The following CCDC32 variants were observed in gnomAD, a reference collection of about 807,000 sequenced individuals.
CCDC32 encodes coiled-coil domain containing 32, also known as coiled-coil domain-containing protein 32.
CCDC32 carries 9 observed loss-of-function variants against 20.1 expected under a neutral mutation model. The ratio of observed to expected loss-of-function variants is 0.45; its 90% CI spans 0.27 to 0.78. The LOEUF is 0.78. CCDC32 is among the 30% of genes least tolerant of loss of function. The pLI is 0.16. For missense variants in CCDC32, 204 were observed against 215.5 expected, an observed-to-expected ratio of 0.95 and a Z score of 0.33; for synonymous variants, 63 against 79.0, an observed-to-expected ratio of 0.80 and a Z score of 1.07.
At chr15:40,547,526 G>A (rs970110213) in intron 3 of CCDC32, among the ~76,000 whole-genome samples, 5 of 152,124 alleles carry the variant, frequency 3.3e-5, no homozygotes, top group South Asian at 2.1e-4. Flanking sequence ...GTGGACCTTC[G>A]CTTGAATCTT....
Position 40,553,825 on chromosome 15 carries a change from T to TC in CCDC32, c.*145_*146insG, listed in dbSNP as rs1890031231. The TC allele has an allele frequency of 7.2e-7, 1 of 1,389,318 alleles. No individual in the cohort carries two copies. The highest frequency in any genetic ancestry group is 1.5e-5 in the African/African-American group (1 of 68,644). The allele number at this position is 1,389,318 out of a possible 1,614,324, so 86.1% of individuals were successfully genotyped here. On this transcript the variant is annotated 3_prime_UTR_variant, in exon 4 of 4. Transcript: ENST00000416810. ...TTTCTTTGTGGAGTGGAAATTTGGG[T>TC]TTTTTCCTTCAGTGGATTTCTCCCT...
intron 2 of CCDC32, among the ~76,000 whole-genome samples, chr15:40,560,521 GAA>G (rs1327910418): frequency 6.6e-6 from 1 of 151,910 alleles, no homozygotes; most frequent in Admixed American, 6.6e-5. Flanking sequence ...AAATCAGAAA[GAA>G]AAAAACAATC....
At chr15:40,560,306 C>T (rs1388701639) in intron 2 of CCDC32, among the ~76,000 whole-genome samples, 1 of 152,140 alleles carries the variant, frequency 6.6e-6, no homozygotes, top group African/African-American at 2.4e-5. Context: ...CCGTGCCCGG[C>T]CTAGGCAAAA....
chr15:40,522,970 G>A, the CCDC32 span, among the ~76,000 whole-genome samples: 7 of 151,870 alleles, frequency 4.6e-5, no homozygotes, highest in South Asian at 2.1e-4. Context: ...GGGATTATAG[G>A]AGTATGCCAC....
chr15:40,539,274 C>G, exon 4 of CCDC32: 5 of 1,535,640 alleles, frequency 3.3e-6, no homozygotes, highest in Non-Finnish European at 4.4e-6. Context: ...TCCTTCGCCA[C>G]CTCTGCTCAG....
At chr15:40,550,542 C>G (rs1368737681), downstream of CCDC32, among the ~76,000 whole-genome samples, 1 of 152,320 alleles carries the variant, frequency 6.6e-6, no homozygotes, top group Admixed American at 6.5e-5. Flanking sequence ...CCAAGACTCT[C>G]AGTTTCAAAT....
At chr15:40,555,189 AGAG>A (rs1890156956) in intron 3 of CCDC32, among the ~76,000 whole-genome samples, 1 of 152,234 alleles carries the variant, frequency 6.6e-6, no homozygotes, top group Non-Finnish European at 1.5e-5. Flanking sequence ...TCTAAATGTC[AGAG>A]GGCAATGAGA....
downstream of CCDC32, chr15:40,532,313 A>G: frequency 1.4e-6 from 1 of 702,976 alleles, no homozygotes; most frequent in Non-Finnish European, 2.6e-6. Context: ...CTGGAAAAGA[A>G]GAGTACGTAG....
intron 3 of CCDC32, 87 bp from the exon 4 acceptor site, chr15:40,554,214 T>G: frequency 1.3e-6 from 2 of 1,498,328 alleles, no homozygotes; most frequent in Middle Eastern, 2.2e-4. Context: ...AAACACTACC[T>G]TCCCGCCCAC....
chr15:40,562,424 CA>C (rs1890704701), intron 2 of CCDC32, among the ~76,000 whole-genome samples: 1 of 151,788 alleles, frequency 6.6e-6, no homozygotes, highest in African/African-American at 2.4e-5. Flanking sequence ...ACTAAAAATA[CA>C]AAAAATTAGC....
downstream of CCDC32, chr15:40,538,965 G>A (rs1595885025): frequency 1.3e-5 from 6 of 473,756 alleles, no homozygotes; most frequent in African/African-American, 3.9e-5. Flanking sequence ...TGGGCTCACC[G>A]CAGGAGCCTG....
chr15:40,562,844 C>G lies in CCDC32; in HGVS notation c.172G>C (p.Asp58His). 1 of 1,614,210 alleles carries G rather than the reference C, an allele frequency of 6.2e-7. No homozygotes were observed. Among genetic ancestry groups the G allele is most frequent in the Non-Finnish European group, 8.5e-7 (1 of 1,180,030 alleles). Residue 58 changes from aspartate to histidine, a missense_variant, in exon 2 of 4, where the codon GAC becomes CAC. Coordinates refer to ENST00000416810, the MANE Select transcript of CCDC32 (RefSeq NM_001080792.4). The stretch of plus-strand genomic sequence containing the variant: ...TTTACAGCTGGCTGGACAGCAAAGT[C>G]AGCCACCTCCCTCTGGCCTTCACCT... ...PEGEGQREVA[D>H]FAVQPAVKPW...
In CCDC32 at chr15:40,562,753, C is replaced by T; in HGVS notation, c.244+19G>A. The T allele has an allele frequency of 6.2e-7, 1 of 1,606,968 alleles. No individual in the cohort carries two copies. The highest frequency in any genetic ancestry group is 1.3e-5 in the African/African-American group (1 of 74,752). ...TGTAACAGAACTTCAATATGCTTCC[C>T]TAGAGCCGTCAAACTTACCTAGAGA... On this transcript the variant is annotated intron_variant, in intron 2 of 3. Coordinates refer to ENST00000416810, the MANE Select transcript of CCDC32 (RefSeq NM_001080792.4).
At chr15:40,529,052 G>A (rs764272376) in intron 3 of CCDC32, among the ~76,000 whole-genome samples, 5 of 152,218 alleles carry the variant, frequency 3.3e-5, no homozygotes, top group African/African-American at 9.6e-5. Context: ...AGCTGGACAG[G>A]CTTCCAGGGT....
At chr15:40,540,687 A>C (rs1889354761) in intron 3 of CCDC32, among the ~76,000 whole-genome samples, 1 of 152,110 alleles carries the variant, frequency 6.6e-6, no homozygotes, top group Non-Finnish European at 1.5e-5. Context: ...TCTTCTTAGA[A>C]AATGATTAGG....
intron 3 of CCDC32, among the ~76,000 whole-genome samples, chr15:40,545,714 C>T (rs760698079): frequency 2.6e-5 from 4 of 152,112 alleles, no homozygotes; most frequent in Non-Finnish European, 5.9e-5. Flanking sequence ...CTTGGCTCTC[C>T]ATCCTGGCAC....
At chr15:40,524,739 C>CTTTTTTTTTTTTTTTT (rs758786719), downstream of CCDC32, among the ~76,000 whole-genome samples, 8 of 95,242 alleles carry the variant, frequency 8.4e-5, 1 homozygote, top group African/African-American at 3.4e-4. Flanking sequence ...CTTTTTCTTT[C>CTTTTTTTTTTTTTTTT]TTTTTTTTTT....
chr15:40,529,084 A>G (rs966028149), intron 3 of CCDC32, among the ~76,000 whole-genome samples: 3 of 152,234 alleles, frequency 2.0e-5, no homozygotes, highest in African/African-American at 7.2e-5. Flanking sequence ...CTGTGGACCC[A>G]CACGTACACT....
intron 3 of CCDC32, among the ~76,000 whole-genome samples, chr15:40,541,058 G>A (rs1014312166): frequency 4.6e-5 from 7 of 152,184 alleles, no homozygotes; most frequent in Non-Finnish European, 8.8e-5. Flanking sequence ...TGGCCTGGGC[G>A]GGAAAGAGAC....
Sources: gnomAD v4.1 joint callset for allele counts (sites outside exome capture counted in the v4.1 genomes callset) on GRCh38, gnomAD v4.1.1 for gene constraint, MANE v1.5 for transcripts, NCBI Gene and HGNC (gene_info 2026-07-23, HGNC 2026-07-21) for gene names.